The following NKAIN2 variants were observed in gnomAD, a reference collection of about 807,000 sequenced individuals.
NKAIN2 encodes the protein sodium/potassium transporting ATPase interacting 2, also known as sodium/potassium-transporting ATPase subunit beta-1-interacting protein 2.
NKAIN2 carries 14 observed loss-of-function variants against 32.6 expected under a neutral mutation model. That is an observed-to-expected ratio of 0.43 (90% CI 0.28 to 0.67). The LOEUF (loss-of-function observed/expected upper bound fraction) is 0.67, where lower values mean the gene tolerates loss of function less well. Among genes scored for constraint, NKAIN2 ranks in the 30% least tolerant of loss-of-function variants. The pLI is 0.17. For synonymous variants in NKAIN2, 80 were observed against 87.2 expected (o/e 0.92, Z 0.46); for missense variants, 198 against 258.3 (o/e 0.77, Z 1.60).
At chr6:123,838,279 C>T (rs1844579) in intron 1 of NKAIN2, among the ~76,000 whole-genome samples, 151,824 of 152,270 alleles carry the variant, frequency 1, 75,692 homozygotes, top group East Asian at 1. Context: ...TTCTAATATA[C>T]ATGGAAACTT....
chr6:124,309,394 TAGC>T (rs1796630567), intron 2 of NKAIN2, among the ~76,000 whole-genome samples: 1 of 152,104 alleles, frequency 6.6e-6, no homozygotes, highest in Non-Finnish European at 1.5e-5. Context: ...CTTGAGTTAA[TAGC>T]AGGTCTATAT....
intron 1 of NKAIN2, among the ~76,000 whole-genome samples, chr6:123,851,765 C>G (rs1262447700): frequency 1.3e-5 from 2 of 152,096 alleles, no homozygotes; most frequent in Admixed American, 6.5e-5. Flanking sequence ...AATGTCTATT[C>G]AAGCCCTTTG....
intron 3 of NKAIN2, among the ~76,000 whole-genome samples, chr6:124,562,583 A>C (rs562849489): frequency 6.6e-6 from 1 of 152,350 alleles, no homozygotes; most frequent in South Asian, 2.1e-4. Flanking sequence ...CATATTAAAA[A>C]TTAAAACTTA....
At chr6:124,150,616 T>G (rs984274403) in intron 1 of NKAIN2, among the ~76,000 whole-genome samples, 1 of 152,132 alleles carries the variant, frequency 6.6e-6, no homozygotes, top group Non-Finnish European at 1.5e-5. Flanking sequence ...TTAATTATGA[T>G]TTTTTGCTAT....
At chr6:123,878,143 T>C (rs1208764249) in intron 1 of NKAIN2, among the ~76,000 whole-genome samples, 1 of 152,048 alleles carries the variant, frequency 6.6e-6, no homozygotes, top group Non-Finnish European at 1.5e-5. Flanking sequence ...GGAGAATTGC[T>C]TGAACCCGGG....
chr6:124,383,123 T>G (rs59248702), intron 3 of NKAIN2, among the ~76,000 whole-genome samples: 4,031 of 152,292 alleles, frequency 0.026, 163 homozygotes, highest in African/African-American at 0.092. Flanking sequence ...AACCAGAAAC[T>G]GGGGAATCCA....
In NKAIN2 at chr6:123,867,701, T is replaced by C. The variant is rs533127634; in HGVS notation, c.54+63447T>C. ...ATGCAAGAATGTACTTTGACACCTT[T>C]GTTTCATCATTCAAGATTTACCTCA... On this transcript the variant is annotated intron_variant, in intron 1 of 6. Coordinates refer to ENST00000368417, the MANE Select transcript of NKAIN2 (RefSeq NM_001040214.3). Among the ~76,000 whole-genome samples the C allele has an allele frequency of 5.9e-5, 9 of 152,286 alleles. No homozygotes were observed. The East Asian group carries it at 1.7e-3, about 29-fold the overall frequency.
At chr6:124,043,177 G>A (rs754986978) in intron 1 of NKAIN2, among the ~76,000 whole-genome samples, 8 of 152,096 alleles carry the variant, frequency 5.3e-5, no homozygotes, top group Non-Finnish European at 1.0e-4. Flanking sequence ...GGCCAACATG[G>A]CAAAACCTTG....
intron 1 of NKAIN2, among the ~76,000 whole-genome samples, chr6:123,812,527 A>T (rs1170735054): frequency 6.6e-6 from 1 of 152,232 alleles, no homozygotes; most frequent in Non-Finnish European, 1.5e-5. Context: ...ACTGAAGCTC[A>T]GTCAAGTCCA....
intron 3 of NKAIN2, among the ~76,000 whole-genome samples, chr6:124,638,272 T>G (rs1583563724): frequency 7.1e-6 from 1 of 141,190 alleles, no homozygotes; most frequent in South Asian, 2.5e-4. Context: ...TCAAAATGGG[T>G]GAAAGACTTA....
chr6:124,099,658 A>T (rs1784792580), intron 1 of NKAIN2, among the ~76,000 whole-genome samples: 1 of 152,126 alleles, frequency 6.6e-6, no homozygotes, highest in African/African-American at 2.4e-5. Flanking sequence ...GAGGTGGGGG[A>T]ATGTTGCATT....
intron 3 of NKAIN2, among the ~76,000 whole-genome samples, chr6:124,457,482 C>CT (rs1340772292): frequency 6.6e-6 from 1 of 151,920 alleles, no homozygotes; most frequent in Non-Finnish European, 1.5e-5. Flanking sequence ...CTAAACTTCT[C>CT]TAACCACATA....
At chr6:124,418,160 G>C (rs575123414) in intron 3 of NKAIN2, among the ~76,000 whole-genome samples, 5 of 150,046 alleles carry the variant, frequency 3.3e-5, no homozygotes, top group Non-Finnish European at 5.9e-5. Flanking sequence ...TGTGTGGACT[G>C]TGTGTGTGTG....
intron 1 of NKAIN2, among the ~76,000 whole-genome samples, chr6:124,276,870 CA>C (rs1418861417): frequency 2.6e-5 from 4 of 152,260 alleles, no homozygotes; most frequent in Middle Eastern, 6.8e-3. Context: ...CTTAGGACTA[CA>C]AACGAATTAA....
chr6:124,279,075 A>G (rs1312989350), intron 1 of NKAIN2, among the ~76,000 whole-genome samples: 2 of 152,202 alleles, frequency 1.3e-5, no homozygotes, highest in East Asian at 3.9e-4. Context: ...TTTTACACAT[A>G]CATGACAGAT....
intron 1 of NKAIN2, among the ~76,000 whole-genome samples, chr6:124,089,608 A>T (rs985282217): frequency 1.3e-5 from 2 of 151,872 alleles, no homozygotes; most frequent in African/African-American, 4.8e-5. Flanking sequence ...AACCAAATCA[A>T]AGCACAAGAC....
intron 4 of NKAIN2, among the ~76,000 whole-genome samples, chr6:124,752,631 C>T (rs1471699854): frequency 2.0e-5 from 3 of 151,528 alleles, no homozygotes; most frequent in Non-Finnish European, 4.4e-5. Context: ...GATGACAGTC[C>T]CACAATTATC....
intron 1 of NKAIN2, among the ~76,000 whole-genome samples, chr6:124,139,428 G>A (rs549152251): frequency 9.8e-5 from 15 of 152,304 alleles, no homozygotes; most frequent in African/African-American, 3.6e-4. Context: ...AATAAAATTG[G>A]ATCCTCTGCC....
chr6:124,039,464 A>G (rs1372958210), intron 1 of NKAIN2, among the ~76,000 whole-genome samples: 2 of 151,806 alleles, frequency 1.3e-5, no homozygotes, highest in African/African-American at 4.8e-5. Context: ...TTCAGTTATT[A>G]TTTTACATCT....
Sources: allele counts gnomAD v4.1 joint callset (sites outside exome capture counted in the v4.1 genomes callset), GRCh38; gene constraint gnomAD v4.1.1; transcripts MANE v1.5; gene names NCBI Gene and HGNC (gene_info 2026-07-23, HGNC 2026-07-21).